Variants in MYO9A observed in about 807,000 individuals in gnomAD.
MYO9A encodes unconventional myosin-IXa.
A neutral mutation model predicts 293.3 loss-of-function variants in MYO9A; 103 were observed. That is an observed-to-expected ratio of 0.35 (90% CI 0.30 to 0.41). The LOEUF (loss-of-function observed/expected upper bound fraction) is 0.41. Among genes scored for constraint, MYO9A ranks in the 10% least tolerant of loss-of-function variants. The probability of loss-of-function intolerance (pLI) is 1.00; values close to 1 mark genes in which losing one functional copy is unlikely to be tolerated. For missense variants in MYO9A, 2,685 were observed against 3,033.0 expected (o/e 0.89, Z 2.69); for synonymous variants, 1,001 against 1,035.7 (o/e 0.97, Z 0.64).
intron 1 of MYO9A, among the ~76,000 whole-genome samples, chr15:72,085,039 T>C (rs2079671957): frequency 6.6e-6 from 1 of 152,212 alleles, no homozygotes; most frequent in African/African-American, 2.4e-5. Flanking sequence ...GACTGTCTTA[T>C]TTCAGAAAGC....
At chr15:71,849,946 A>G in intron 38 of MYO9A, 90 bp downstream of exon 38, 1 of 1,495,086 alleles carries the variant, frequency 6.7e-7, no homozygotes, top group African/African-American at 1.4e-5. Context: ...TGAATTTATG[A>G]ACCCATTCAC....
At chr15:72,112,622 A>C (rs1172689577) in intron 1 of MYO9A, among the ~76,000 whole-genome samples, 1 of 152,256 alleles carries the variant, frequency 6.6e-6, no homozygotes, top group African/African-American at 2.4e-5. Context: ...AAACTATGCC[A>C]TAATTGTTTC....
chr15:71,896,647 G>A (rs538946427), intron 25 of MYO9A, among the ~76,000 whole-genome samples: 1 of 152,110 alleles, frequency 6.6e-6, no homozygotes, highest in East Asian at 1.9e-4. Context: ...AGGCATGGTG[G>A]CGTGCACCTA....
chr15:71,979,588 T>A (rs1223861566), intron 11 of MYO9A, among the ~76,000 whole-genome samples: 1 of 152,192 alleles, frequency 6.6e-6, no homozygotes, highest in Non-Finnish European at 1.5e-5. Context: ...GACACAACCA[T>A]TTTGTTGGAT....
At chr15:71,982,935 T>C (rs1054226236) in intron 11 of MYO9A, among the ~76,000 whole-genome samples, 14 of 152,338 alleles carry the variant, frequency 9.2e-5, no homozygotes, top group African/African-American at 3.1e-4. Flanking sequence ...CTAGTAATGC[T>C]TGAAATATGA....
chr15:72,054,888 CT>C (rs1456362843), intron 1 of MYO9A, among the ~76,000 whole-genome samples: 7 of 149,372 alleles, frequency 4.7e-5, no homozygotes, highest in Non-Finnish European at 1.0e-4. Context: ...GGACAGATGT[CT>C]CTCAGAAAGG....
chr15:72,048,562 T>C (rs556534521), intron 1 of MYO9A, among the ~76,000 whole-genome samples: 1 of 152,340 alleles, frequency 6.6e-6, no homozygotes, highest in East Asian at 1.9e-4. Context: ...CCTATCAATC[T>C]GTTCTGGGCT....
intron 12 of MYO9A, among the ~76,000 whole-genome samples, chr15:71,972,963 TATAA>T (rs1175631190): frequency 6.6e-6 from 1 of 152,172 alleles, no homozygotes; most frequent in Non-Finnish European, 1.5e-5. Context: ...AACTGGCTGT[TATAA>T]ATAAATAGCC....
chr15:72,038,796 GTCTA>G (rs994866728), intron 2 of MYO9A, among the ~76,000 whole-genome samples: 1 of 152,182 alleles, frequency 6.6e-6, no homozygotes, highest in Non-Finnish European at 1.5e-5. Context: ...AGAAATAAGA[GTCTA>G]TCTTCTTTAA....
At chr15:71,928,630 A>AT (rs1329827713) in intron 18 of MYO9A, among the ~76,000 whole-genome samples, 1 of 152,118 alleles carries the variant, frequency 6.6e-6, no homozygotes, top group South Asian at 2.1e-4. Context: ...ATGTTTTATG[A>AT]TTTTTTTGTA....
At chr15:72,072,542 GATAC>G (rs1038274911) in intron 1 of MYO9A, among the ~76,000 whole-genome samples, 1 of 152,100 alleles carries the variant, frequency 6.6e-6, no homozygotes, top group African/African-American at 2.4e-5. Context: ...AAGAAAATGT[GATAC>G]ATACACAAAA....
Position 72,007,843 on chromosome 15 carries a change from C to G in MYO9A, c.1363G>C (p.Val455Leu). 1.2e-6 allele frequency: 2 copies of G among 1,611,626 alleles called. No individual in the cohort carries two copies. Among genetic ancestry groups the G allele is most frequent in the Non-Finnish European group, 1.7e-6 (2 of 1,179,250 alleles). Residue 455 changes from valine (V) to leucine (L), a missense_variant, in exon 8 of 42, where the codon GTC becomes CTC. Transcript: ENST00000356056. The stretch of plus-strand genomic sequence containing the variant: ...TCACTCACCTCTAATAATTCTGAGA[C>G]AATAGGCAGAACTTCAGGATTACAG... ...DICNPEVLPIVSELLEVKEEM... is the reference protein window; with the variant it reads ...DICNPEVLPILSELLEVKEEM...
At position 71,956,310 on chromosome 15, in the gene MYO9A, TAA is replaced by T. The variant is rs869151550; in HGVS notation, c.2182+3589_2182+3590del. On this transcript the variant is annotated intron_variant, in intron 14 of 41. Transcript: ENST00000356056. ...ATGCAACACAGCGAAACCCGGCTCTTAAAAAAAAAAAAAAAAAAAAATATATA... is the reference window on the plus strand; with the variant it reads ...ATGCAACACAGCGAAACCCGGCTCTTAAAAAAAAAAAAAAAAAAATATATA... Among the ~76,000 whole-genome samples, 56 of 36,766 alleles carry T rather than the reference TAA, an allele frequency of 1.5e-3. 1 individual carries two copies. The highest frequency in any genetic ancestry group is 7.9e-3 in the South Asian group (7 of 886). 24.1% of individuals were successfully genotyped at this position (36,766 alleles called of 152,430 possible).
At chr15:72,028,999 G>A (rs1399038104) in intron 3 of MYO9A, among the ~76,000 whole-genome samples, 1 of 152,190 alleles carries the variant, frequency 6.6e-6, no homozygotes, top group African/African-American at 2.4e-5. Context: ...TTATTGTAGA[G>A]CAATGACCAG....
chr15:71,885,524 C>A (rs1373755036), intron 27 of MYO9A, among the ~76,000 whole-genome samples: 1 of 152,090 alleles, frequency 6.6e-6, no homozygotes, highest in African/African-American at 2.4e-5. Flanking sequence ...AAAAATCTCT[C>A]CCAGAGCCTT....
At chr15:71,833,806 G>C (rs1223399002) in intron 39 of MYO9A, among the ~76,000 whole-genome samples, 1 of 151,816 alleles carries the variant, frequency 6.6e-6, no homozygotes, top group African/African-American at 2.4e-5. Flanking sequence ...TGGTCAAAGA[G>C]GAAATCACAA....
At chr15:72,075,850 C>A (rs553519305) in intron 1 of MYO9A, among the ~76,000 whole-genome samples, 3 of 152,046 alleles carry the variant, frequency 2.0e-5, no homozygotes, top group Non-Finnish European at 4.4e-5. Flanking sequence ...AGACAGAAGT[C>A]TAGATCTGCA....
At chr15:71,879,638 T>C in intron 30 of MYO9A, 83 bp downstream of exon 30, 3 of 965,028 alleles carry the variant, frequency 3.1e-6, no homozygotes, top group Admixed American at 4.6e-5. Context: ...TTACGAAACA[T>C]GGCTTTTGTA....
At position 71,978,203 on chromosome 15, in the gene MYO9A, T is replaced by C. The variant is rs780209005; in HGVS notation, c.1812A>G (p.Thr604=). The C allele has an allele frequency of 1.0e-4, 165 of 1,613,168 alleles. No individual in the cohort carries two copies. The highest frequency in any genetic ancestry group is 1.4e-4 in the Non-Finnish European group (161 of 1,179,704). ...CTTCATCCAAAAGATGAAGCAGTCC[T>C]GTTGGTTTTTTGCTAATAAGATTTA... The part of the protein sequence containing the change: ...CCINLISKKP[T]GLLHLLDEES... The change falls in exon 12 of 42, where the codon ACA becomes ACG. Residue 604 remains threonine (T), a synonymous_variant. Transcript: ENST00000356056.
Sources: allele counts gnomAD v4.1 joint callset (sites outside exome capture counted in the v4.1 genomes callset), GRCh38; gene constraint gnomAD v4.1.1; transcripts MANE v1.5; gene names NCBI Gene and HGNC (gene_info 2026-07-23, HGNC 2026-07-21).